Variants in TDRD12 observed in about 807,000 individuals in gnomAD.
TDRD12 encodes the protein putative ATP-dependent RNA helicase TDRD12.
Under a neutral mutation model 133.5 loss-of-function variants are expected in TDRD12, and 158 were observed. The ratio of observed to expected loss-of-function variants is 1.18; its 90% CI spans 1.04 to 1.35. TDRD12 has a LOEUF of 1.35. TDRD12 is among the 40% of genes most tolerant of loss of function. The probability of loss-of-function intolerance (pLI) is 0.00; values close to 1 mark genes in which losing one functional copy is unlikely to be tolerated. For synonymous variants in TDRD12, 460 were observed against 477.9 expected (o/e 0.96, Z 0.49); for missense variants, 1,443 against 1,321.3 (o/e 1.09, Z -1.43).
chr19:32,720,173 C>CCCCT (rs1968582573), intron 1 of TDRD12, 77 bp downstream of exon 1: 1 of 1,471,116 alleles, frequency 6.8e-7, no homozygotes. Flanking sequence ...CAGCCTCCCA[C>CCCCT]CCCCACCCCA....
At chr19:32,737,166 T>C (rs1225851115) in intron 2 of TDRD12, among the ~76,000 whole-genome samples, 3 of 152,230 alleles carry the variant, frequency 2.0e-5, no homozygotes, top group African/African-American at 7.2e-5. Context: ...TAAACCATCA[T>C]AAGTCAGGGA....
intron 11 of TDRD12, among the ~76,000 whole-genome samples, chr19:32,783,773 T>C (rs1970833363): frequency 6.6e-6 from 1 of 152,182 alleles, no homozygotes; most frequent in Non-Finnish European, 1.5e-5. Flanking sequence ...TGTCTGTTAT[T>C]GGTGTATAGG....
chr19:32,802,693 C>A (rs754001972), exon 20 of TDRD12: 7 of 1,536,202 alleles, frequency 4.6e-6, no homozygotes, highest in Middle Eastern at 1.7e-4. Flanking sequence ...TGGCCATCAC[C>A]GATGCCACGT....
rs1021063191 is a variant in TDRD12, at chr19:32,720,905, C to T, written c.24+809C>T. ...TGAGCCCGGGTTTCACGGGCCCTGG[C>T]GTGCTCCGGGATGCACCTGGAGGAG... is the stretch of plus-strand genomic sequence containing the variant. On this transcript the variant is annotated intron_variant, in intron 1 of 27. Coordinates refer to ENST00000444215, the Ensembl canonical transcript of TDRD12. 5.4e-5 allele frequency among the ~76,000 whole-genome samples: 8 copies of T among 146,916 alleles called. No homozygotes were observed. In the East Asian group the frequency reaches 1.1e-3, roughly 20 times the overall value.
rs1402282018 is a variant in TDRD12 at position 32,815,470 on chromosome 19, G to A, written c.3164G>A (p.Ser1055Asn). The change falls in exon 26 of 28, where the codon AGT becomes AAT. Residue 1055 changes from serine (S) to asparagine (N), a missense_variant. Transcript: ENST00000444215. The stretch of plus-strand genomic sequence containing the variant: ...AAGGTGCACATTACAAACCTTTCCA[G>A]TTTAAAAACCTCTGTCATTGATTAT... 4.6e-6 allele frequency: 7 copies of A among 1,536,072 alleles called. No individual in the cohort carries two copies. The Admixed American group carries it at 9.8e-5, about 22-fold the overall frequency.
At chr19:32,727,626 G>A (rs1968901827) in intron 1 of TDRD12, among the ~76,000 whole-genome samples, 1 of 151,450 alleles carries the variant, frequency 6.6e-6, no homozygotes, top group Non-Finnish European at 1.5e-5. Flanking sequence ...TTTTGAGTAT[G>A]GTGTCACATA....
At chr19:32,723,638 T>C (rs1439776399) in intron 1 of TDRD12, among the ~76,000 whole-genome samples, 4 of 149,638 alleles carry the variant, frequency 2.7e-5, no homozygotes, top group Admixed American at 6.7e-5. Flanking sequence ...TTTTGTAATA[T>C]GCATTTTGTA....
At chr19:32,742,673 T>C in intron 3 of TDRD12, 108 bp from the exon 4 acceptor site, 1 of 1,172,266 alleles carries the variant, frequency 8.5e-7, no homozygotes, top group Non-Finnish European at 1.2e-6. Context: ...AATTGTTTTT[T>C]GTGTGTTTTG....
At chr19:32,736,594 AT>A (rs1969231198) in intron 2 of TDRD12, among the ~76,000 whole-genome samples, 1 of 152,192 alleles carries the variant, frequency 6.6e-6, no homozygotes, top group Non-Finnish European at 1.5e-5. Context: ...CTTTGTCAGG[AT>A]TTCTGTTGAA....
intron 8 of TDRD12, among the ~76,000 whole-genome samples, chr19:32,757,606 C>G (rs1222969846): frequency 6.6e-6 from 1 of 152,188 alleles, no homozygotes; most frequent in Non-Finnish European, 1.5e-5. Flanking sequence ...GTGGTGGTTC[C>G]TCCACCATTT....
chr19:32,806,270 G>T (rs1411426514), intron 21 of TDRD12, among the ~76,000 whole-genome samples: 1 of 151,042 alleles, frequency 6.6e-6, no homozygotes, highest in East Asian at 2.0e-4. Context: ...TGACATTAAC[G>T]TTTTTGAATT....
At chr19:32,819,194 G>A (rs1967292815) in intron 27 of TDRD12, among the ~76,000 whole-genome samples, 1 of 151,960 alleles carries the variant, frequency 6.6e-6, no homozygotes, top group East Asian at 1.9e-4. Flanking sequence ...GTACAAGCCT[G>A]TAGTTCTAGC....
Position 32,777,083 on chromosome 19 carries a change from G to A in TDRD12, c.1041-66G>A, listed in dbSNP as rs1970604787. 3.1e-6 allele frequency: 3 copies of A among 982,356 alleles called. No individual in the cohort carries two copies. In the East Asian group the frequency reaches 8.0e-5, roughly 26 times the overall value. The allele number at this position is 982,356 out of a possible 1,614,324, so 60.9% of individuals were successfully genotyped here. A position where few individuals can be genotyped will look rare whatever the true frequency, so the allele number is the denominator to read the frequency against. On this transcript the variant is annotated intron_variant, in intron 10 of 27. Transcript: ENST00000444215. ...TTATTTTTTTATTTTTGTCGAGATGGGGACTCACTGTGTTGCCCAGGCTGC... is the reference window on the plus strand; with the variant it reads ...TTATTTTTTTATTTTTGTCGAGATGAGGACTCACTGTGTTGCCCAGGCTGC...
In TDRD12 at chr19:32,790,589, C is replaced by G. The variant is rs1183926304; in HGVS notation, c.1180C>G (p.Gln394Glu). 2.6e-6 allele frequency: 4 copies of G among 1,551,862 alleles called. 1 individual carries two copies. In the South Asian group the frequency reaches 4.8e-5, roughly 18 times the overall value. The stretch of plus-strand genomic sequence containing the variant: ...AGCTGACGGAATCTCTGATCTCCAG[C>G]AGGTATTACAGGCCCTAAAAAAAGT... Residue 394 changes from glutamine (Q) to glutamate (E), a missense_variant and splice_region_variant, in exon 12 of 28, where the codon CAG becomes GAG. Physicochemically the swap from Gln to Glu is conservative, Grantham distance 29. Transcript: ENST00000444215.
intron 4 of TDRD12, among the ~76,000 whole-genome samples, chr19:32,748,151 G>A (rs1969710278): frequency 6.6e-6 from 1 of 152,146 alleles, no homozygotes; most frequent in Admixed American, 6.5e-5. Flanking sequence ...CCTGTCCCAG[G>A]AGCTTGTGTT....
chr19:32,763,417 G>T (rs1457259778), intron 8 of TDRD12, among the ~76,000 whole-genome samples: 1 of 152,092 alleles, frequency 6.6e-6, no homozygotes, highest in Non-Finnish European at 1.5e-5. Flanking sequence ...TGTGGGACAG[G>T]ATGGCTGGAA....
intron 21 of TDRD12, among the ~76,000 whole-genome samples, chr19:32,805,682 G>A (rs1277872040): frequency 6.7e-6 from 1 of 150,166 alleles, no homozygotes; most frequent in Admixed American, 6.6e-5. Context: ...AGGTTGTTTG[G>A]CTATTTTAAA....
chr19:32,744,499 CAAAAAAAAAAA>C (rs10644749), intron 4 of TDRD12, among the ~76,000 whole-genome samples: 8 of 38,100 alleles, frequency 2.1e-4, no homozygotes, highest in South Asian at 9.9e-4. Flanking sequence ...GACTCCGTCT[CAAAAAAAAAAA>C]AAAAAAAAAA....
At chr19:32,732,445 CA>C (rs1969087599) in intron 2 of TDRD12, among the ~76,000 whole-genome samples, 1 of 152,202 alleles carries the variant, frequency 6.6e-6, no homozygotes, top group African/African-American at 2.4e-5. Flanking sequence ...GGCTGGGAAC[CA>C]GGGGGTTATT....
Sources: allele counts gnomAD v4.1 joint callset (sites outside exome capture counted in the v4.1 genomes callset), GRCh38; gene constraint gnomAD v4.1.1; transcripts MANE v1.5; gene names NCBI Gene and HGNC (gene_info 2026-07-23, HGNC 2026-07-21).